Variants in UGT2B15 observed in about 807,000 individuals in gnomAD.
UGT2B15 encodes UDP-glucuronosyltransferase 2B15.
A neutral mutation model predicts 45.9 loss-of-function variants in UGT2B15; 36 were observed. That is an observed-to-expected ratio of 0.78 (90% CI 0.60 to 1.04). The LOEUF (loss-of-function observed/expected upper bound fraction) is 1.04, where lower values mean the gene tolerates loss of function less well. UGT2B15 is among the 50% of genes least tolerant of loss of function. The pLI is 0.00. For missense variants in UGT2B15, 617 were observed against 622.4 expected (o/e 0.99, Z 0.09); for synonymous variants, 219 against 216.4 (o/e 1.01, Z -0.11).
At chr4:68,669,274 T>A (rs1462191244) in intron 1 of UGT2B15, among the ~76,000 whole-genome samples, 1 of 152,164 alleles carries the variant, frequency 6.6e-6, no homozygotes, top group East Asian at 1.9e-4. Flanking sequence ...AAATATAGAT[T>A]AAAACTTAGA....
At chr4:68,648,992 G>C (rs1158024732) in intron 5 of UGT2B15, among the ~76,000 whole-genome samples, 1 of 151,764 alleles carries the variant, frequency 6.6e-6, no homozygotes, top group African/African-American at 2.4e-5. Flanking sequence ...ATTTTATTAG[G>C]TTTAAATATT....
In UGT2B15 at chr4:68,646,921, A is replaced by C; in HGVS notation, c.*183T>G. 1 of 757,656 alleles carries C rather than the reference A, an allele frequency of 1.3e-6. No individual in the cohort carries two copies. Among genetic ancestry groups the C allele is most frequent in the South Asian group, 2.1e-5 (1 of 47,818 alleles). 46.9% of individuals were successfully genotyped at this position (757,656 alleles called of 1,614,324 possible). A position where few individuals can be genotyped will look rare whatever the true frequency, so the allele number is the denominator to read the frequency against. On this transcript the variant is annotated 3_prime_UTR_variant, in exon 6 of 6. Transcript: ENST00000338206. ...ATTTTTCATAGCTTAAAAATCATTG[A>C]CATAGAATAATTCAGCTAAAGTACG...
At chr4:68,665,161 C>A (rs189595703) in intron 2 of UGT2B15, among the ~76,000 whole-genome samples, 1 of 152,232 alleles carries the variant, frequency 6.6e-6, no homozygotes, top group African/African-American at 2.4e-5. Context: ...AAAAGAAAAT[C>A]ATTTACCCAT....
chr4:68,649,409 T>A (rs1177459781), intron 5 of UGT2B15, among the ~76,000 whole-genome samples: 1 of 149,920 alleles, frequency 6.7e-6, no homozygotes, highest in African/African-American at 2.5e-5. Flanking sequence ...CTCCCAAGTA[T>A]CTGGGACTAC....
chr4:68,661,199 A>G (rs570498577), intron 3 of UGT2B15, among the ~76,000 whole-genome samples: 3 of 152,134 alleles, frequency 2.0e-5, no homozygotes, highest in African/African-American at 7.2e-5. Flanking sequence ...CCCCAAAGTC[A>G]CTAAGCAAAT....
rs754137691 is a variant in UGT2B15, at chr4:68,670,368, T to C, written c.251A>G (p.Asn84Ser). The change falls in exon 1 of 6, where the codon AAT (asparagine) becomes AGT (serine). Residue 84 changes from asparagine (N) to serine (S), a missense_variant. This residue lies in a region of UGT2B15 where 351 missense variants were observed against 342.1 expected (regional missense o/e 1.03). Coordinates refer to ENST00000338206, the MANE Select transcript of UGT2B15 (RefSeq NM_001076.4). ...LEVYPTSLTK[N>S]YLEDSLLKIL... is the part of the protein sequence containing the mutation. ...TTTCAGAAGAGAATCTTCCAAATAATTTTTAGTTAAAGATGTAGGATAAAC... is the reference window on the plus strand; with the variant it reads ...TTTCAGAAGAGAATCTTCCAAATAACTTTTAGTTAAAGATGTAGGATAAAC... 1 of 1,613,126 alleles carries C rather than the reference T, an allele frequency of 6.2e-7. No individual in the cohort carries two copies. The highest frequency in any genetic ancestry group is 1.3e-5 in the African/African-American group (1 of 74,828).
chr4:68,662,559 G>T (rs1009450249), intron 3 of UGT2B15, among the ~76,000 whole-genome samples: 19 of 148,196 alleles, frequency 1.3e-4, no homozygotes, highest in African/African-American at 4.8e-4. Flanking sequence ...AGACGAAGCT[G>T]CATGATGCAT....
intron 5 of UGT2B15, among the ~76,000 whole-genome samples, chr4:68,648,646 T>C (rs1342670334): frequency 6.6e-6 from 1 of 152,102 alleles, no homozygotes; most frequent in African/African-American, 2.4e-5. Flanking sequence ...ATTTTAAGAT[T>C]ATCTTAAACA....
rs749374525 is a variant in UGT2B15 at position 68,669,900 on chromosome 4, A to G, written c.719T>C (p.Val240Ala). 1.2e-6 allele frequency: 2 copies of G among 1,607,022 alleles called. No individual in the cohort carries two copies. Among genetic ancestry groups the G allele is most frequent in the South Asian group, 1.1e-5 (1 of 89,706 alleles). Residue 240 changes from valine to alanine, a missense_variant, in exon 1 of 6, where the codon GTT becomes GCT. Physicochemically the swap from Val to Ala is moderately conservative, Grantham distance 64. Transcript: ENST00000338206. ...LKKWDQFYSE[V>A]LGRPTTLFET... ...CAGTTAGACACATGACTTACCTAGA[A>G]CTTCACTATAAAACTGGTCCCACTT...
At chr4:68,666,742 A>T (rs1426825998) in intron 2 of UGT2B15, among the ~76,000 whole-genome samples, 2 of 76,374 alleles carry the variant, frequency 2.6e-5, no homozygotes, top group East Asian at 8.0e-4. Flanking sequence ...ACATATATAT[A>T]TATATATATA....
chr4:68,657,035 T>G (rs1304006638), intron 3 of UGT2B15, among the ~76,000 whole-genome samples: 1 of 152,160 alleles, frequency 6.6e-6, no homozygotes, highest in Non-Finnish European at 1.5e-5. Context: ...AGTTTGGAGA[T>G]GTGTTGTAAA....
intron 2 of UGT2B15, among the ~76,000 whole-genome samples, chr4:68,666,752 A>ATATTTT (rs1553925091): frequency 6.3e-5 from 8 of 127,860 alleles, no homozygotes; most frequent in African/African-American, 1.8e-4. Context: ...ATATATATAT[A>ATATTTT]TTTTTTTTTT....
At chr4:68,667,539 A>G (rs1287159309) in intron 2 of UGT2B15, among the ~76,000 whole-genome samples, 1 of 152,008 alleles carries the variant, frequency 6.6e-6, no homozygotes, top group African/African-American at 2.4e-5. Flanking sequence ...CACATTATTG[A>G]GTACTCACTT....
chr4:68,647,169 T>C lies in UGT2B15; in HGVS notation c.1528A>G (p.Thr510Ala). 1 of 1,613,922 alleles carries C rather than the reference T, an allele frequency of 6.2e-7. No individual in the cohort carries two copies. ...CGGAAACAAAACAGGCAAAATTTTG[T>C]GATGATAAATATCACAGTTGCCACG... is the stretch of plus-strand genomic sequence containing the variant. ...ACVATVIFII[T>A]KFCLFCFRKL... Residue 510 changes from threonine (T) to alanine (A), a missense_variant, in exon 6 of 6, where the codon ACA becomes GCA. By Grantham distance (58) the Thr-to-Ala change is moderately conservative. Around this residue, in one of 3 missense-constraint regions of UGT2B15, gnomAD observed 265 missense variants for 245.1 expected, o/e 1.08. Coordinates refer to ENST00000338206, the MANE Select transcript of UGT2B15 (RefSeq NM_001076.4).
intron 1 of UGT2B15, 105 bp from the exon 2 acceptor site, chr4:68,668,293 T>C (rs1578201640): frequency 1.3e-6 from 2 of 1,519,348 alleles, no homozygotes; most frequent in African/African-American, 2.8e-5. Flanking sequence ...TACCCAAACA[T>C]ATATAAAATG....
Position 68,666,746 on chromosome 4 carries a change from A to AT in UGT2B15, c.873+1293dup, listed in dbSNP as rs1172427126. On this transcript the variant is annotated intron_variant, in intron 2 of 5. Transcript: ENST00000338206. ...TATATCAAATTACATATATATATATATATATATTTTTTTTTTTTGAGACAG... is the reference window on the plus strand; with the variant it reads ...TATATCAAATTACATATATATATATATTATATATTTTTTTTTTTTGAGACAG... Among the ~76,000 whole-genome samples, 178 of 71,090 alleles carry AT rather than the reference A, an allele frequency of 2.5e-3. 1 individual carries two copies. Among genetic ancestry groups the AT allele is most frequent in the African/African-American group, 7.3e-3 (173 of 23,660 alleles). 46.6% of individuals were successfully genotyped at this position (71,090 alleles called of 152,430 possible). A position where few individuals can be genotyped will look rare whatever the true frequency, so the allele number is the denominator to read the frequency against.
chr4:68,669,902 T>G lies in UGT2B15; in HGVS notation c.717A>C (p.Glu239Asp). 1 of 1,607,382 alleles carries G rather than the reference T, an allele frequency of 6.2e-7. No homozygotes were observed. Among genetic ancestry groups the G allele is most frequent in the Non-Finnish European group, 8.5e-7 (1 of 1,178,408 alleles). Residue 239 changes from glutamate to aspartate, a missense_variant, in exon 1 of 6, where the codon GAA becomes GAC. By Grantham distance (45) the Glu-to-Asp change is conservative. This residue lies in a region of UGT2B15 where 351 missense variants were observed against 342.1 expected (regional missense o/e 1.03). Coordinates refer to ENST00000338206, the MANE Select transcript of UGT2B15 (RefSeq NM_001076.4). ...GTTAGACACATGACTTACCTAGAACTTCACTATAAAACTGGTCCCACTTCT... is the reference window on the plus strand; with the variant it reads ...GTTAGACACATGACTTACCTAGAACGTCACTATAAAACTGGTCCCACTTCT... ...DLKKWDQFYSEVLGRPTTLFE... is the reference protein window; with the variant it reads ...DLKKWDQFYSDVLGRPTTLFE...
chr4:68,667,504 C>A (rs1733176263), intron 2 of UGT2B15, among the ~76,000 whole-genome samples: 1 of 151,982 alleles, frequency 6.6e-6, no homozygotes, highest in Non-Finnish European at 1.5e-5. Flanking sequence ...TGTTTATCAA[C>A]CCCTCATCGT....
intron 3 of UGT2B15, among the ~76,000 whole-genome samples, chr4:68,658,032 T>C: frequency 6.6e-6 from 1 of 152,120 alleles, no homozygotes; most frequent in East Asian, 1.9e-4. Flanking sequence ...ACTTGGTTTC[T>C]TTTAATATGC....
Sources: gnomAD v4.1 joint callset for allele counts (sites outside exome capture counted in the v4.1 genomes callset) on GRCh38, gnomAD v4.1.1 for gene constraint, gnomAD v4.1.1 regional missense constraint, MANE v1.5 for transcripts, NCBI Gene and HGNC (gene_info 2026-07-23, HGNC 2026-07-21) for gene names.